The following LAMC2 variants were observed in gnomAD, a reference collection of about 807,000 sequenced individuals.
LAMC2 encodes the protein laminin subunit gamma 2.
In LAMC2, 97 loss-of-function variants were observed where a neutral mutation model predicts 140.2. The ratio of observed to expected loss-of-function variants is 0.69; its 90% confidence interval spans 0.59 to 0.82. LAMC2 has a LOEUF of 0.82. Ranked by LOEUF, LAMC2 falls within the 40% of genes least tolerant of loss-of-function variation. The probability of loss-of-function intolerance (pLI) is 0.00; values close to 1 mark genes in which losing one functional copy is unlikely to be tolerated. For synonymous variants in LAMC2, 513 were observed against 540.2 expected, an observed-to-expected ratio of 0.95 and a Z score of 0.70; for missense variants, 1,402 against 1,476.1, an observed-to-expected ratio of 0.95 and a Z score of 0.82.
In LAMC2 at chr1:183,237,494, G is replaced by A. The variant is rs1217639167; in HGVS notation, c.2744G>A (p.Ser915Asn). The change falls in exon 18 of 23, where the codon AGT (serine) becomes AAT (asparagine). Residue 915 changes from serine (S) to asparagine (N), a missense_variant. Coordinates refer to ENST00000264144, the MANE Select transcript of LAMC2 (RefSeq NM_005562.3). The stretch of plus-strand genomic sequence containing the variant: ...CAGCAGCTCTTACAGAATGGAAAAA[G>A]TGGGAGAGAGGTATTCTTTTGTTAA... ...EAQQLLQNGK[S>N]GREKSDQLLS... 1.2e-6 allele frequency: 2 copies of A among 1,613,860 alleles called. No homozygotes were observed. Among genetic ancestry groups the A allele is most frequent in the South Asian group, 2.2e-5 (2 of 91,060 alleles).
rs762760253 is a variant in LAMC2, at chr1:183,228,600, C to G, written c.1695C>G (p.Asn565Lys). The G allele has an allele frequency of 6.2e-7, 1 of 1,614,076 alleles. No homozygotes were observed. The highest frequency in any genetic ancestry group is 1.7e-5 in the Admixed American group (1 of 60,018). The change falls in exon 11 of 23, where the codon AAC becomes AAG. Residue 565 changes from asparagine (N) to lysine (K), a missense_variant. Transcript: ENST00000264144. The surrounding 1 kb of genome is among the most constrained non-coding windows in gnomAD (Gnocchi z 4.3). ...ACTTCGGGGACCCATTGGCTCCCAA[C>G]CCAGCAGACAAGTGTCGAGGTAGGA... ...AGYFGDPLAP[N>K]PADKCRACNC...
intron 14 of LAMC2, 52 bp from the exon 15 acceptor site, chr1:183,234,315 C>T: frequency 7.0e-7 from 1 of 1,421,310 alleles, no homozygotes. Context: ...GTTCCATGGC[C>T]AAGTGCAAAG....
At chr1:183,198,121 C>G (rs1276231366) in intron 1 of LAMC2, among the ~76,000 whole-genome samples, 1 of 126,962 alleles carries the variant, frequency 7.9e-6, no homozygotes, top group Non-Finnish European at 1.8e-5. Flanking sequence ...AATTGAGCAT[C>G]ATCTTTTTTT....
intron 1 of LAMC2, among the ~76,000 whole-genome samples, chr1:183,194,514 G>GT (rs765168801): frequency 9.3e-5 from 14 of 150,808 alleles, no homozygotes; most frequent in East Asian, 1.9e-4. Flanking sequence ...AAGATTTATT[G>GT]TTTTTTTTTA....
At chr1:183,242,918 T>A (rs1660165926) in intron 22 of LAMC2, among the ~76,000 whole-genome samples, 1 of 151,958 alleles carries the variant, frequency 6.6e-6, no homozygotes, top group African/African-American at 2.4e-5. Context: ...CTGAACTAGA[T>A]AGCTCAGAGT....
chr1:183,252,715 C>T, the LAMC2 span: 2 of 1,614,132 alleles, frequency 1.2e-6, no homozygotes, highest in South Asian at 1.1e-5. Context: ...TAATCCACAA[C>T]ATGGCCGTCC....
chr1:183,249,406 CA>C (rs1660313862), downstream of LAMC2: 1 of 152,072 alleles, frequency 6.6e-6, no homozygotes, highest in Admixed American at 6.6e-5. Flanking sequence ...TGCTGGTGAA[CA>C]GGAAACAAAG....
chr1:183,208,394 G>GTC (rs1658967434), intron 2 of LAMC2, among the ~76,000 whole-genome samples: 1 of 152,180 alleles, frequency 6.6e-6, no homozygotes. Context: ...GCAGGTGACA[G>GTC]TCTTTTGCAA....
In LAMC2 at chr1:183,223,156, AG is replaced by A. The variant is rs1659523218; in HGVS notation, c.787del (p.Val263Ter). On this transcript the variant is annotated frameshift_variant, in exon 7 of 23. Transcript: ENST00000264144. LOFTEE classifies it high-confidence loss of function. ...VAPAKFLGNQQVSYGQSLSFD... is the reference protein window; with the variant it reads ...VAPAKFLGNQXVSYGQSLSFD... ...ACAGCCAAATTTCTTGGGAATCAAC[AG>A]GTGAGCTATGGTCAAAGCCTGTCCT... 2 of 1,614,154 alleles carry A rather than the reference AG, an allele frequency of 1.2e-6. No individual in the cohort carries two copies. Among genetic ancestry groups the A allele is most frequent in the Non-Finnish European group, 1.7e-6 (2 of 1,180,012 alleles).
chr1:183,186,912 C>A (rs1195116651), intron 1 of LAMC2, among the ~76,000 whole-genome samples: 1 of 152,120 alleles, frequency 6.6e-6, no homozygotes, highest in Admixed American at 6.5e-5. Flanking sequence ...TAGCAATACC[C>A]TTAACTTTTG....
intron 1 of LAMC2, among the ~76,000 whole-genome samples, chr1:183,199,097 C>A (rs888125358): frequency 3.0e-5 from 2 of 67,608 alleles, no homozygotes. Flanking sequence ...GTTGGCTTTT[C>A]TTTTTTTTTT....
the LAMC2 span, chr1:183,252,413 CATT>C: frequency 2.1e-6 from 1 of 473,906 alleles, no homozygotes; most frequent in Non-Finnish European, 3.9e-6. Context: ...ACTCCCACCC[CATT>C]CCCTCACCCA....
intron 2 of LAMC2, 90 bp downstream of exon 2, chr1:183,208,159 G>T: frequency 8.2e-7 from 1 of 1,214,744 alleles, no homozygotes; most frequent in Non-Finnish European, 1.2e-6. Context: ...AGAAGGAAGG[G>T]AACAACGGAG....
chr1:183,236,244 C>A (rs1394421253), intron 16 of LAMC2, among the ~76,000 whole-genome samples: 1 of 151,714 alleles, frequency 6.6e-6, no homozygotes, highest in African/African-American at 2.4e-5. Flanking sequence ...AAAGGGGGGG[C>A]CAGGTGTGGT....
chr1:183,213,386 G>T (rs564326345), intron 2 of LAMC2, among the ~76,000 whole-genome samples: 18 of 152,252 alleles, frequency 1.2e-4, no homozygotes, highest in Middle Eastern at 3.4e-3. Flanking sequence ...TATCTTTATC[G>T]ATTTGAATTC....
intron 2 of LAMC2, among the ~76,000 whole-genome samples, chr1:183,211,204 C>T (rs115688649): frequency 6.6e-6 from 1 of 152,142 alleles, no homozygotes; most frequent in African/African-American, 2.4e-5. Context: ...GGCTGAGTTA[C>T]CTTCAGCTCT....
chr1:183,254,985 TTG>T, the LAMC2 span, among the ~76,000 whole-genome samples: 1 of 152,230 alleles, frequency 6.6e-6, no homozygotes, highest in Admixed American at 6.5e-5. Context: ...CAAGACATAA[TTG>T]CCAAGACCAA....
intron 2 of LAMC2, among the ~76,000 whole-genome samples, chr1:183,210,283 A>G (rs1659032256): frequency 6.6e-6 from 1 of 152,188 alleles, no homozygotes; most frequent in African/African-American, 2.4e-5. Flanking sequence ...CACAACCACC[A>G]TCATCATTAG....
intron 3 of LAMC2, among the ~76,000 whole-genome samples, chr1:183,217,961 G>T (rs1227316907): frequency 6.6e-6 from 1 of 152,104 alleles, no homozygotes; most frequent in Non-Finnish European, 1.5e-5. Context: ...AGAACTGAAT[G>T]GAATAAAATA....
Sources: gnomAD v4.1 joint callset for allele counts (sites outside exome capture counted in the v4.1 genomes callset) on GRCh38, gnomAD v4.1.1 for gene constraint, Gnocchi (gnomAD v3.1) non-coding constraint, MANE v1.5 for transcripts, NCBI Gene and HGNC (gene_info 2026-07-23, HGNC 2026-07-21) for gene names.